Variants in COPS5 observed in about 807,000 individuals in gnomAD.
COPS5 encodes COP9 signalosome subunit 5.
COPS5 carries 8 observed loss-of-function variants against 44.4 expected under a neutral mutation model. The ratio of observed to expected loss-of-function variants is 0.18; its 90% CI spans 0.11 to 0.32. The LOEUF (loss-of-function observed/expected upper bound fraction) is 0.32. COPS5 is among the 10% of genes least tolerant of loss of function. The probability of loss-of-function intolerance (pLI) is 1.00; values close to 1 mark genes in which losing one functional copy is unlikely to be tolerated. For missense variants in COPS5, 159 were observed against 406.4 expected (o/e 0.39, Z 5.23); for synonymous variants, 122 against 142.8 (o/e 0.85, Z 1.04).
At position 67,043,320 on chromosome 8, in the gene COPS5, G is replaced by A; in HGVS notation, c.921-3C>T. On this transcript the variant is annotated splice_polypyrimidine_tract_variant and splice_region_variant and intron_variant, in intron 7 of 7. Coordinates refer to ENST00000357849, the MANE Select transcript of COPS5 (RefSeq NM_006837.3). Reference sequence around the variant, plus strand: ...TAGCTTCTATGGTAGTTTTACAGCTGGAAAAAAAAACACACATCACATGAT... The same window carrying A: ...TAGCTTCTATGGTAGTTTTACAGCTAGAAAAAAAAACACACATCACATGAT... 3 of 1,575,048 alleles carry A rather than the reference G, an allele frequency of 1.9e-6. No individual in the cohort carries two copies. Among genetic ancestry groups the A allele is most frequent in the East Asian group, 2.3e-5 (1 of 44,178 alleles).
chr8:67,055,005 T>A (rs1804481948), intron 5 of COPS5, among the ~76,000 whole-genome samples: 1 of 152,230 alleles, frequency 6.6e-6, no homozygotes, highest in African/African-American at 2.4e-5. Context: ...CCTAATGAAC[T>A]AATGAACATT....
intron 5 of COPS5, 65 bp downstream of exon 5, chr8:67,056,454 C>A: frequency 3.6e-6 from 2 of 550,686 alleles, no homozygotes. Flanking sequence ...TGTGGCTTCC[C>A]AAAGTGCTGG....
chr8:67,056,664 T>G (rs1327149403), intron 4 of COPS5, 60 bp from the exon 5 acceptor site: 85 of 2,294 alleles, frequency 0.037, 8 homozygotes, highest in African/African-American at 0.096. Flanking sequence ...TATATATATA[T>G]ATATATATAT....
At chr8:67,047,158 A>G (rs1816711734) in intron 6 of COPS5, among the ~76,000 whole-genome samples, 1 of 152,198 alleles carries the variant, frequency 6.6e-6, no homozygotes, top group South Asian at 2.1e-4. Flanking sequence ...AGAGGAAATA[A>G]ACTAGTTGGC....
intron 5 of COPS5, 42 bp from the exon 6 acceptor site, chr8:67,051,383 ATTCAACTACGTCACAT>A: frequency 1.8e-6 from 2 of 1,098,734 alleles, no homozygotes; most frequent in Non-Finnish European, 2.7e-6. Context: ...AAAAAAAAAA[ATTCAACTACGTCACAT>A]AAAACTTATG....
intron 6 of COPS5, among the ~76,000 whole-genome samples, chr8:67,049,700 G>C (rs191765447): frequency 9.2e-5 from 14 of 152,074 alleles, no homozygotes; most frequent in African/African-American, 3.1e-4. Context: ...GCCTCCTTTG[G>C]TTACAGTTTC....
At chr8:67,053,602 G>A (rs1041608277) in intron 5 of COPS5, among the ~76,000 whole-genome samples, 16 of 151,860 alleles carry the variant, frequency 1.1e-4, no homozygotes, top group Non-Finnish European at 2.2e-4. Context: ...TCGGGAGGCT[G>A]AGGCAGGAGA....
intron 1 of COPS5, chr8:67,060,279 G>A: frequency 9.4e-7 from 1 of 1,061,730 alleles, no homozygotes; most frequent in Non-Finnish European, 1.2e-6. Context: ...ATTAGACAGT[G>A]AGGCAGGCCA....
intron 5 of COPS5, among the ~76,000 whole-genome samples, chr8:67,054,160 G>A (rs1465953983): frequency 6.6e-5 from 10 of 151,986 alleles, no homozygotes; most frequent in Non-Finnish European, 1.2e-4. Flanking sequence ...GTTATTTAAG[G>A]ATTGGTACGC....
chr8:67,049,922 T>C (rs1481926583), intron 6 of COPS5, among the ~76,000 whole-genome samples: 2 of 152,012 alleles, frequency 1.3e-5, no homozygotes, highest in Non-Finnish European at 1.5e-5. Flanking sequence ...GTTCTAAATA[T>C]AGAGAAGTTT....
chr8:67,052,835 A>T (rs946084480), intron 5 of COPS5, among the ~76,000 whole-genome samples: 2 of 151,752 alleles, frequency 1.3e-5, no homozygotes, highest in African/African-American at 4.8e-5. Context: ...AAAAAAAAAA[A>T]AAGAAATTTA....
intron 6 of COPS5, among the ~76,000 whole-genome samples, chr8:67,048,719 A>T (rs961353725): frequency 6.6e-6 from 1 of 151,710 alleles, no homozygotes; most frequent in Non-Finnish European, 1.5e-5. Context: ...CCATCTCAAA[A>T]AAAAAAAAAA....
chr8:67,046,202 A>G (rs552236973), intron 6 of COPS5, among the ~76,000 whole-genome samples: 1 of 152,236 alleles, frequency 6.6e-6, no homozygotes, highest in South Asian at 2.1e-4. Context: ...ATTACTTGGA[A>G]TTTTTCTCCT....
At chr8:67,060,384 GCAGT>G (rs1804567454) in intron 1 of COPS5, 3 of 1,253,624 alleles carry the variant, frequency 2.4e-6, no homozygotes, top group Non-Finnish European at 3.1e-6. Flanking sequence ...GCCTTACAGA[GCAGT>G]CAGTCAACGT....
chr8:67,061,360 C>A (rs1307252849), intron 1 of COPS5: 2 of 449,660 alleles, frequency 4.4e-6, no homozygotes, highest in South Asian at 3.1e-5. Context: ...AAGGCGAAGG[C>A]GGGAGGATCG....
chr8:67,045,085 A>G (rs2129537709), intron 7 of COPS5: 2 of 152,356 alleles, frequency 1.3e-5, no homozygotes, highest in South Asian at 4.1e-4. Context: ...ACAATTTAAG[A>G]GAGAGACAAT....
intron 5 of COPS5, among the ~76,000 whole-genome samples, chr8:67,055,581 A>G (rs2129537934): frequency 6.6e-6 from 1 of 152,246 alleles, no homozygotes; most frequent in Non-Finnish European, 1.5e-5. Flanking sequence ...CAAAAAAGGT[A>G]CGTAGGCCGG....
chr8:67,051,171 T>G, intron 6 of COPS5, 59 bp downstream of exon 6: 1 of 1,111,810 alleles, frequency 9.0e-7, no homozygotes, highest in Non-Finnish European at 1.4e-6. Flanking sequence ...TTTCAGATAT[T>G]AAACGGCTAT....
chr8:67,060,633 A>G, intron 1 of COPS5: 1 of 475,478 alleles, frequency 2.1e-6, no homozygotes, highest in Non-Finnish European at 3.5e-6. Context: ...CCTAATCTCT[A>G]TGACAATACC....
Sources: allele counts gnomAD v4.1 joint callset (sites outside exome capture counted in the v4.1 genomes callset), GRCh38; gene constraint gnomAD v4.1.1; transcripts MANE v1.5; gene names NCBI Gene and HGNC (gene_info 2026-07-23, HGNC 2026-07-21).